SPATA6: variants seen among roughly 807,000 people sequenced by gnomAD.
The protein encoded by SPATA6 is spermatogenesis associated 6.
Under a neutral mutation model 65.3 loss-of-function variants are expected in SPATA6, and 56 were observed. The ratio of observed to expected loss-of-function variants is 0.86; its 90% confidence interval spans 0.69 to 1.07. The LOEUF (loss-of-function observed/expected upper bound fraction) is 1.07, where lower values mean the gene tolerates loss of function less well. SPATA6 is among the 50% of genes least tolerant of loss of function. SPATA6 has a pLI of 0.00. For synonymous variants in SPATA6, 199 were observed against 213.2 expected (o/e 0.93, Z 0.58); for missense variants, 590 against 594.8 (o/e 0.99, Z 0.08).
At chr1:48,440,189 C>T (rs1557712075) in intron 3 of SPATA6, among the ~76,000 whole-genome samples, 1 of 152,118 alleles carries the variant, frequency 6.6e-6, no homozygotes, top group Non-Finnish European at 1.5e-5. Flanking sequence ...GTTATGTCCC[C>T]TTCAAGCTGT....
At chr1:48,447,198 T>C (rs1238426607) in intron 3 of SPATA6, among the ~76,000 whole-genome samples, 1 of 152,182 alleles carries the variant, frequency 6.6e-6, no homozygotes, top group Non-Finnish European at 1.5e-5. Flanking sequence ...GAATAGGTTA[T>C]TAGTAGGTAA....
intron 11 of SPATA6, among the ~76,000 whole-genome samples, chr1:48,335,375 C>T (rs547406491): frequency 6.6e-6 from 1 of 151,714 alleles, no homozygotes; most frequent in East Asian, 1.9e-4. Context: ...AATCACATTG[C>T]CTGACCTCAA....
intron 9 of SPATA6, among the ~76,000 whole-genome samples, chr1:48,365,287 T>A (rs1646963744): frequency 6.6e-6 from 1 of 152,156 alleles, no homozygotes; most frequent in South Asian, 2.1e-4. Context: ...TGCGGGCTCT[T>A]TTTTGGTTCC....
chr1:48,427,569 TTTTA>T (rs1653960100), intron 3 of SPATA6, among the ~76,000 whole-genome samples: 1 of 152,096 alleles, frequency 6.6e-6, no homozygotes, highest in South Asian at 2.1e-4. Context: ...AACAACCTAA[TTTTA>T]TAACCAATTA....
chr1:48,400,610 C>T (rs746615146), intron 6 of SPATA6, among the ~76,000 whole-genome samples: 16 of 152,152 alleles, frequency 1.1e-4, no homozygotes, highest in Admixed American at 2.6e-4. Context: ...TTCCTCAACA[C>T]CTCTCTTGAC....
At chr1:48,277,066 T>C in the SPATA6 span, among the ~76,000 whole-genome samples, 3,389 of 122,090 alleles carry the variant, frequency 0.028, 127 homozygotes, top group African/African-American at 0.08. Context: ...CATTGATCCC[T>C]TTACCATTAG....
At chr1:48,379,961 T>C (rs976094931) in intron 9 of SPATA6, among the ~76,000 whole-genome samples, 2 of 152,234 alleles carry the variant, frequency 1.3e-5, no homozygotes, top group Non-Finnish European at 2.9e-5. Flanking sequence ...TGTGAAGTAA[T>C]AGATACATTA....
At chr1:48,462,195 GGGGT>G (rs1454214627) in intron 1 of SPATA6, among the ~76,000 whole-genome samples, 1 of 151,864 alleles carries the variant, frequency 6.6e-6, no homozygotes, top group Non-Finnish European at 1.5e-5. Context: ...GGACTGTTGT[GGGGT>G]GGGGGGAGCG....
intron 3 of SPATA6, among the ~76,000 whole-genome samples, chr1:48,435,757 C>T (rs12128434): frequency 0.078 from 11,832 of 152,218 alleles, 621 homozygotes; most frequent in East Asian, 0.23. Flanking sequence ...GCGCCCCGCA[C>T]CGGGAGCGGG....
intron 1 of SPATA6, among the ~76,000 whole-genome samples, chr1:48,465,039 C>G (rs1308719493): frequency 2.0e-5 from 3 of 151,902 alleles, no homozygotes; most frequent in Non-Finnish European, 4.4e-5. Context: ...AGAGCAAAAA[C>G]AAAGTAAAAT....
rs181887671 is a variant in SPATA6 at position 48,408,267 on chromosome 1, T to G, written c.405+3197A>C. 3.2e-3 allele frequency among the ~76,000 whole-genome samples: 493 copies of G among 152,352 alleles called. 2 individuals are homozygous for G. The highest frequency in any genetic ancestry group is 5.5e-3 in the Non-Finnish European group (371 of 68,034). The stretch of plus-strand genomic sequence containing the variant: ...AGTTTTAAAGGTCTATCCAAATAAT[T>G]TCAAGCTGGACAATTTTTGCTTTTC... On this transcript the variant is annotated intron_variant, in intron 5 of 12. Transcript: ENST00000371847.
intron 11 of SPATA6, among the ~76,000 whole-genome samples, chr1:48,348,089 C>T (rs1442372074): frequency 6.6e-6 from 1 of 152,024 alleles, no homozygotes; most frequent in East Asian, 1.9e-4. Context: ...TCCTGCTTTT[C>T]TCAGTGTACT....
In SPATA6 at chr1:48,403,838, A is replaced by T; in HGVS notation, c.450T>A (p.Thr150=). The T allele has an allele frequency of 6.2e-7, 1 of 1,610,662 alleles. No homozygotes were observed. The highest frequency in any genetic ancestry group is 8.5e-7 in the Non-Finnish European group (1 of 1,178,652). Residue 150 remains threonine, a synonymous_variant, in exon 6 of 13, where the codon ACT becomes ACA. Coordinates refer to ENST00000371847, the MANE Select transcript of SPATA6 (RefSeq NM_019073.4). ...RLEFSTTSVI[T]ECLISSRKCH... is the part of the protein sequence containing the mutation. ...ATTTCCTTGAACTTATCAGACATTC[A>T]GTAATCACTGAAGTCGTAGAAAATT...
intron 1 of SPATA6, 123 bp downstream of exon 1, chr1:48,471,835 T>G: frequency 8.4e-7 from 1 of 1,189,332 alleles, no homozygotes; most frequent in Non-Finnish European, 1.2e-6. Context: ...GGGCGTGAGG[T>G]CGACGCTCCC....
chr1:48,276,832 G>C, the SPATA6 span, among the ~76,000 whole-genome samples: 1 of 152,214 alleles, frequency 6.6e-6, no homozygotes, highest in Non-Finnish European at 1.5e-5. Context: ...GAATTGTGTA[G>C]ATGTATATTA....
intron 9 of SPATA6, among the ~76,000 whole-genome samples, chr1:48,380,500 A>G (rs1648438509): frequency 6.6e-6 from 1 of 151,796 alleles, no homozygotes; most frequent in Admixed American, 6.6e-5. Context: ...CCTGACTTTA[A>G]ATGGACCAGC....
intron 5 of SPATA6, 81 bp downstream of exon 5, chr1:48,411,383 T>C: frequency 1.8e-5 from 26 of 1,430,066 alleles, no homozygotes; most frequent in Non-Finnish European, 2.4e-5. Flanking sequence ...GTTCTTCACA[T>C]TTAAGATGGC....
At chr1:48,445,998 G>C (rs1014163351) in intron 3 of SPATA6, among the ~76,000 whole-genome samples, 1 of 152,124 alleles carries the variant, frequency 6.6e-6, no homozygotes, top group Non-Finnish European at 1.5e-5. Context: ...GGTCCAATTA[G>C]GAGAGAGAAG....
rs369875348 is a variant in SPATA6 at position 48,399,403 on chromosome 1, C to T, written c.728G>A (p.Gly243Glu). ...TGTTTCTTTTTTGAACTCATAGGGT[C>T]CCAGATTTAAATGGGCCAGCCGCCG... ...TRRRLAHLNLGPYEFKKETDK... is the reference protein window; with the variant it reads ...TRRRLAHLNLEPYEFKKETDK... The change falls in exon 7 of 13, where the codon GGA becomes GAA. Residue 243 changes from glycine (G) to glutamate (E), a missense_variant. Coordinates refer to ENST00000371847, the MANE Select transcript of SPATA6 (RefSeq NM_019073.4). 6.2e-7 allele frequency: 1 copy of T among 1,612,958 alleles called. No homozygotes were observed. The highest frequency in any genetic ancestry group is 1.3e-5 in the African/African-American group (1 of 74,818).
Sources: allele counts gnomAD v4.1 joint callset (sites outside exome capture counted in the v4.1 genomes callset), GRCh38; gene constraint gnomAD v4.1.1; transcripts MANE v1.5; gene names NCBI Gene and HGNC (gene_info 2026-07-23, HGNC 2026-07-21).